CDK14: variants seen among roughly 807,000 people sequenced by gnomAD.
The protein encoded by CDK14 is cyclin-dependent kinase 14.
Under a neutral mutation model 60.7 loss-of-function variants are expected in CDK14, and 34 were observed. The observed-to-expected ratio is 0.56, with a 90% CI of 0.43 to 0.75. The LOEUF (loss-of-function observed/expected upper bound fraction) is 0.75. Ranked by LOEUF, CDK14 falls within the 30% of genes least tolerant of loss-of-function variation. The pLI, the probability that CDK14 is intolerant of heterozygous loss-of-function variation, is 0.00. For synonymous variants in CDK14, 197 were observed against 203.7 expected (o/e 0.97, Z 0.28); for missense variants, 482 against 564.1 (o/e 0.85, Z 1.47).
At chr7:90,767,736 A>G (rs1804621284) in intron 4 of CDK14, among the ~76,000 whole-genome samples, 1 of 152,206 alleles carries the variant, frequency 6.6e-6, no homozygotes, top group Non-Finnish European at 1.5e-5. Flanking sequence ...TCTTCTCACA[A>G]ATAACATAGG....
intron 10 of CDK14, among the ~76,000 whole-genome samples, chr7:91,023,572 G>A (rs1796489072): frequency 6.6e-6 from 1 of 152,076 alleles, no homozygotes; most frequent in African/African-American, 2.4e-5. Context: ...AGATTTCTGA[G>A]GAGTTCAATT....
At chr7:91,106,263 G>A (rs1255508395) in intron 12 of CDK14, among the ~76,000 whole-genome samples, 1 of 152,156 alleles carries the variant, frequency 6.6e-6, no homozygotes, top group African/African-American at 2.4e-5. Flanking sequence ...AGAAACAACA[G>A]AAGCCTATGG....
intron 6 of CDK14, among the ~76,000 whole-genome samples, chr7:90,878,711 C>G (rs1263660135): frequency 6.6e-6 from 1 of 152,004 alleles, no homozygotes; most frequent in African/African-American, 2.4e-5. Context: ...ATCAGACTTT[C>G]AGAGATCAGA....
chr7:90,930,059 A>G (rs1793540613), intron 8 of CDK14, among the ~76,000 whole-genome samples: 2 of 152,196 alleles, frequency 1.3e-5, no homozygotes, highest in Admixed American at 1.3e-4. Flanking sequence ...ATTAGTTTAT[A>G]AGAAAACAGT....
intron 2 of CDK14, among the ~76,000 whole-genome samples, chr7:90,691,200 C>T (rs377633482): frequency 5.3e-4 from 81 of 151,924 alleles, no homozygotes; most frequent in African/African-American, 1.9e-3. Flanking sequence ...CATGAGGGTA[C>T]AACTGTGGAC....
At chr7:91,198,008 G>C (rs1802601904) in intron 14 of CDK14, among the ~76,000 whole-genome samples, 1 of 152,216 alleles carries the variant, frequency 6.6e-6, no homozygotes, top group Admixed American at 6.5e-5. Context: ...GTACATGGGA[G>C]GGAGTTGGCA....
chr7:91,174,557 G>GA (rs975782407), intron 14 of CDK14, among the ~76,000 whole-genome samples: 2 of 148,128 alleles, frequency 1.4e-5, no homozygotes, highest in Admixed American at 6.9e-5. Context: ...TGAAAACTTT[G>GA]AAAAAAATTT....
intron 2 of CDK14, among the ~76,000 whole-genome samples, chr7:90,668,866 G>A (rs888790065): frequency 6.6e-6 from 1 of 150,592 alleles, no homozygotes; most frequent in South Asian, 2.1e-4. Context: ...GTGCCACCGT[G>A]CCTGGCTATT....
At chr7:90,668,699 C>T (rs201300567) in intron 2 of CDK14, among the ~76,000 whole-genome samples, 3,259 of 87,420 alleles carry the variant, frequency 0.037, 138 homozygotes, top group East Asian at 0.079. Flanking sequence ...GACTCGCATT[C>T]TTTTTTTTTT....
intron 2 of CDK14, among the ~76,000 whole-genome samples, chr7:90,658,671 A>G (rs893446495): frequency 6.6e-6 from 1 of 152,160 alleles, no homozygotes; most frequent in Non-Finnish European, 1.5e-5. Context: ...CATCATATGG[A>G]TAGGACACAT....
At chr7:90,622,358 TTA>T (rs1799789152) in intron 2 of CDK14, among the ~76,000 whole-genome samples, 1 of 152,228 alleles carries the variant, frequency 6.6e-6, no homozygotes, top group Non-Finnish European at 1.5e-5. Context: ...ATGTTTTTGC[TTA>T]GTAAATGTAT....
At chr7:90,713,279 A>G (rs888900131) in intron 2 of CDK14, among the ~76,000 whole-genome samples, 1 of 152,086 alleles carries the variant, frequency 6.6e-6, no homozygotes, top group African/African-American at 2.4e-5. Context: ...CCATTTTGAC[A>G]GTTCTTACAC....
intron 4 of CDK14, among the ~76,000 whole-genome samples, chr7:90,761,583 A>G (rs1015549665): frequency 1.3e-5 from 2 of 152,152 alleles, no homozygotes; most frequent in Non-Finnish European, 2.9e-5. Flanking sequence ...TCAACTAGGG[A>G]TAATTTTGTT....
chr7:91,176,515 C>T (rs1378846775), intron 14 of CDK14, among the ~76,000 whole-genome samples: 1 of 151,982 alleles, frequency 6.6e-6, no homozygotes, highest in Non-Finnish European at 1.5e-5. Context: ...TTAATGAATC[C>T]AGGAGCTGGT....
At chr7:90,868,082 A>G (rs986495871) in intron 6 of CDK14, among the ~76,000 whole-genome samples, 7 of 152,032 alleles carry the variant, frequency 4.6e-5, no homozygotes, top group African/African-American at 1.2e-4. Context: ...ATGAGCTACA[A>G]TTGTACCACT....
chr7:90,837,796 A>G (rs1790160093), intron 5 of CDK14, among the ~76,000 whole-genome samples: 1 of 152,208 alleles, frequency 6.6e-6, no homozygotes, highest in Non-Finnish European at 1.5e-5. Flanking sequence ...TATGGGCACC[A>G]TCTCTGGTGT....
At chr7:91,005,940 G>A (rs755400619) in intron 10 of CDK14, among the ~76,000 whole-genome samples, 5 of 152,228 alleles carry the variant, frequency 3.3e-5, no homozygotes, top group Non-Finnish European at 7.3e-5. Context: ...TGATGTGGGC[G>A]ACTGTGGTTT....
intron 8 of CDK14, 65 bp from the exon 9 acceptor site, chr7:90,955,632 C>T (rs879139490): frequency 6.3e-7 from 1 of 1,590,232 alleles, no homozygotes; most frequent in Non-Finnish European, 8.6e-7. Flanking sequence ...TGTGAACGTT[C>T]AAATTTAAAT....
In CDK14 at chr7:91,089,277, C is replaced by T. The variant is rs368953409; in HGVS notation, c.1154+9797C>T. Among the ~76,000 whole-genome samples the T allele has an allele frequency of 1.3e-3, 199 of 152,158 alleles. 2 individuals are homozygous for T. Among genetic ancestry groups the T allele is most frequent in the African/African-American group, 4.6e-3 (189 of 41,538 alleles). Reference sequence around the variant, plus strand: ...GTTAAAACAAAGAAAAAATGACTGTCGACATACTTTTAAGTTTCTCAGGGA... The same window carrying T: ...GTTAAAACAAAGAAAAAATGACTGTTGACATACTTTTAAGTTTCTCAGGGA... On this transcript the variant is annotated intron_variant, in intron 12 of 14. Coordinates refer to ENST00000380050, the MANE Select transcript of CDK14 (RefSeq NM_001287135.2).
Sources: allele counts gnomAD v4.1 joint callset (sites outside exome capture counted in the v4.1 genomes callset), GRCh38; gene constraint gnomAD v4.1.1; transcripts MANE v1.5; gene names NCBI Gene and HGNC (gene_info 2026-07-23, HGNC 2026-07-21).